The following MARCHF1 variants were observed in gnomAD, a reference collection of about 807,000 sequenced individuals.
MARCHF1 encodes the protein E3 ubiquitin-protein ligase MARCHF1.
MARCHF1 carries 40 observed loss-of-function variants against 54.2 expected under a neutral mutation model. The ratio of observed to expected loss-of-function variants is 0.74; its 90% confidence interval spans 0.57 to 0.96. The LOEUF (loss-of-function observed/expected upper bound fraction) is 0.96, where lower values mean the gene tolerates loss of function less well. Among genes scored for constraint, MARCHF1 ranks in the 40% least tolerant of loss-of-function variants. MARCHF1 has a pLI of 0.00. For synonymous variants in MARCHF1, 236 were observed against 236.3 expected, an observed-to-expected ratio of 1.00 and a Z score of 0.01; for missense variants, 586 against 656.5, an observed-to-expected ratio of 0.89 and a Z score of 1.17.
At chr4:163,924,149 C>T (rs1751490176) in intron 3 of MARCHF1, among the ~76,000 whole-genome samples, 3 of 152,136 alleles carry the variant, frequency 2.0e-5, no homozygotes, top group Admixed American at 1.3e-4. Flanking sequence ...AGATGAAGTG[C>T]CATATTCATG....
At chr4:164,004,934 A>T (rs1040970942) in intron 2 of MARCHF1, among the ~76,000 whole-genome samples, 3 of 152,112 alleles carry the variant, frequency 2.0e-5, no homozygotes, top group African/African-American at 7.2e-5. Flanking sequence ...TTTAAGCAGC[A>T]ATAAAAGTAG....
chr4:163,898,323 G>A (rs1750860493), intron 3 of MARCHF1, among the ~76,000 whole-genome samples: 1 of 151,990 alleles, frequency 6.6e-6, no homozygotes, highest in African/African-American at 2.4e-5. Context: ...AAATCTGCAA[G>A]GAACTCAAAC....
At chr4:163,866,482 A>ATATATATATATATATATATAT (rs1560794971) in intron 3 of MARCHF1, among the ~76,000 whole-genome samples, 2 of 143,252 alleles carry the variant, frequency 1.4e-5, no homozygotes, top group African/African-American at 2.5e-5. Context: ...ATATATATAT[A>ATATATATATATATATATATAT]ATAGGACTGT....
At chr4:163,666,217 T>C (rs1468717627) in intron 5 of MARCHF1, among the ~76,000 whole-genome samples, 14 of 152,162 alleles carry the variant, frequency 9.2e-5, no homozygotes, top group Admixed American at 9.2e-4. Context: ...TAACGTGTCA[T>C]TTGATACTAT....
chr4:163,669,791 G>C (rs934987453), intron 5 of MARCHF1, among the ~76,000 whole-genome samples: 1 of 151,980 alleles, frequency 6.6e-6, no homozygotes. Context: ...TAGAGACAGG[G>C]TTTCACCATG....
At chr4:164,033,669 A>C (rs557275018) in intron 2 of MARCHF1, among the ~76,000 whole-genome samples, 2 of 152,234 alleles carry the variant, frequency 1.3e-5, no homozygotes, top group Non-Finnish European at 2.9e-5. Flanking sequence ...CAAACATGAA[A>C]AAAAGCTCAA....
At chr4:164,271,360 T>C (rs1349183163) in intron 1 of MARCHF1, among the ~76,000 whole-genome samples, 2 of 151,968 alleles carry the variant, frequency 1.3e-5, no homozygotes, top group Non-Finnish European at 2.9e-5. Flanking sequence ...GATGTGACAA[T>C]GAAAGAATGG....
rs940758895 is a variant in MARCHF1, at chr4:163,527,556, C to G, written c.*1192G>C. On this transcript the variant is annotated 3_prime_UTR_variant, in exon 10 of 10. Coordinates refer to ENST00000514618, the MANE Select transcript of MARCHF1 (RefSeq NM_001394959.1). ...TCTTTCTATACTTTTGGATTTTTACCCTTTAGAGATGTGAACTTCATCTGA... is the reference window on the plus strand; with the variant it reads ...TCTTTCTATACTTTTGGATTTTTACGCTTTAGAGATGTGAACTTCATCTGA... 1.3e-5 allele frequency: 2 copies of G among 151,908 alleles called. No homozygotes were observed. The highest frequency in any genetic ancestry group is 4.8e-5 in the African/African-American group (2 of 41,398). The allele number at this position is 151,908 out of a possible 1,614,324, so 9.4% of individuals were successfully genotyped here.
At chr4:164,032,677 A>ATT (rs1753903374) in intron 2 of MARCHF1, among the ~76,000 whole-genome samples, 2 of 152,232 alleles carry the variant, frequency 1.3e-5, no homozygotes, top group East Asian at 3.9e-4. Context: ...TTCTAATTTG[A>ATT]TTGCACTGTG....
At chr4:163,869,669 T>C (rs1003431496) in intron 3 of MARCHF1, among the ~76,000 whole-genome samples, 1 of 152,088 alleles carries the variant, frequency 6.6e-6, no homozygotes, top group Non-Finnish European at 1.5e-5. Flanking sequence ...TTAAAGGACA[T>C]TATAAAAGTC....
In MARCHF1 at chr4:164,355,744, C is replaced by T. The variant is rs1269188575; in HGVS notation, c.-323+28126G>A. On this transcript the variant is annotated intron_variant, in intron 1 of 9. Coordinates refer to ENST00000514618, the MANE Select transcript of MARCHF1 (RefSeq NM_001394959.1). Reference sequence around the variant, plus strand: ...TCCAAAACACCAAAAGCACTGGCAACAAAAGCCAAAATTGACAAATGGGAT... The same window carrying T: ...TCCAAAACACCAAAAGCACTGGCAATAAAAGCCAAAATTGACAAATGGGAT... 1.9e-5 allele frequency among the ~76,000 whole-genome samples: 2 copies of T among 103,814 alleles called. 1 individual carries two copies. The highest frequency in any genetic ancestry group is 4.3e-5 in the Non-Finnish European group (2 of 46,138). The allele number at this position is 103,814 out of a possible 152,430, so 68.1% of individuals were successfully genotyped here.
intron 4 of MARCHF1, among the ~76,000 whole-genome samples, chr4:163,735,448 G>A (rs1746007609): frequency 6.6e-6 from 1 of 152,124 alleles, no homozygotes; most frequent in Non-Finnish European, 1.5e-5. Flanking sequence ...GGCTGTCTTA[G>A]TTGGTTTGTG....
chr4:163,612,915 T>TGTC lies in MARCHF1; in HGVS notation c.365_366insGAC (p.Arg122_Lys123insThr), dbSNP rs1258163711. On this transcript the variant is annotated inframe_insertion, in exon 7 of 10. Transcript: ENST00000514618. ...CATGCTCATATCTCTCAGAGGCTTT[T>TGTC]CTCCTCCTCCTAGGTCTTTGTATTA... The TGTC allele has an allele frequency of 1.3e-6, 2 of 1,535,480 alleles. No individual in the cohort carries two copies. The highest frequency in any genetic ancestry group is 3.9e-5 in the Admixed American group (2 of 50,960).
At position 164,100,085 on chromosome 4, in the gene MARCHF1, T is replaced by C. The variant is rs116586216; in HGVS notation, c.-248+11503A>G. Among the ~76,000 whole-genome samples the C allele has an allele frequency of 3.5e-3, 528 of 152,344 alleles. 3 individuals are homozygous for C. Among genetic ancestry groups the C allele is most frequent in the African/African-American group, 0.012 (506 of 41,592 alleles). ...GAATTTTCCTTTTAAAGACTTCTAATTTTTACACTTATTCATTCAAACTCA... is the reference window on the plus strand; with the variant it reads ...GAATTTTCCTTTTAAAGACTTCTAACTTTTACACTTATTCATTCAAACTCA... On this transcript the variant is annotated intron_variant, in intron 2 of 9. Coordinates refer to ENST00000514618, the MANE Select transcript of MARCHF1 (RefSeq NM_001394959.1).
intron 4 of MARCHF1, among the ~76,000 whole-genome samples, chr4:163,810,211 A>T (rs1216846059): frequency 6.6e-6 from 1 of 152,192 alleles, no homozygotes; most frequent in Non-Finnish European, 1.5e-5. Flanking sequence ...GGAAAGTTCA[A>T]TGTATAAATC....
chr4:164,295,427 AACACACACACATACACACAAAC>A, intron 1 of MARCHF1, among the ~76,000 whole-genome samples: 1 of 124,688 alleles, frequency 8.0e-6, no homozygotes, highest in East Asian at 2.1e-4. Flanking sequence ...TGAACTTCAA[AACACACACACATACACACAAAC>A]ACACACACAC....
At chr4:163,656,608 A>C (rs1010855405) in intron 5 of MARCHF1, among the ~76,000 whole-genome samples, 3 of 151,858 alleles carry the variant, frequency 2.0e-5, no homozygotes, top group Non-Finnish European at 4.4e-5. Flanking sequence ...ACAACAACAA[A>C]AAAACTTCAG....
intron 4 of MARCHF1, among the ~76,000 whole-genome samples, chr4:163,740,512 G>GT (rs1561051635): frequency 6.6e-6 from 1 of 152,160 alleles, no homozygotes; most frequent in East Asian, 1.9e-4. Flanking sequence ...GAGCAATAGG[G>GT]TACAGGGCCA....
At chr4:163,667,327 GCAC>G (rs1448891514) in intron 5 of MARCHF1, among the ~76,000 whole-genome samples, 3 of 152,152 alleles carry the variant, frequency 2.0e-5, no homozygotes, top group Non-Finnish European at 4.4e-5. Flanking sequence ...CAAGTGAAAA[GCAC>G]CACATTTTTA....
Sources: gnomAD v4.1 joint callset for allele counts (sites outside exome capture counted in the v4.1 genomes callset) on GRCh38, gnomAD v4.1.1 for gene constraint, MANE v1.5 for transcripts, NCBI Gene and HGNC (gene_info 2026-07-23, HGNC 2026-07-21) for gene names.